The following LINGO2 variants were observed in gnomAD, a reference collection of about 807,000 sequenced individuals.
LINGO2 encodes leucine-rich repeat and immunoglobulin-like domain-containing nogo receptor-interacting protein 2.
Under a neutral mutation model 30.6 loss-of-function variants are expected in LINGO2, and 14 were observed. That is an observed-to-expected ratio of 0.46 (90% confidence interval 0.30 to 0.72). LINGO2 has a LOEUF of 0.72. LINGO2 is among the 30% of genes least tolerant of loss of function. The pLI is 0.07. For synonymous variants in LINGO2, 317 were observed against 288.5 expected, an observed-to-expected ratio of 1.10 and a Z score of -1.00; for missense variants, 729 against 751.7, an observed-to-expected ratio of 0.97 and a Z score of 0.35.
At chr9:28,284,288 G>A (rs1310089797) in intron 4 of LINGO2, among the ~76,000 whole-genome samples, 2 of 152,086 alleles carry the variant, frequency 1.3e-5, no homozygotes, top group Non-Finnish European at 2.9e-5. Context: ...TCCCACTGTA[G>A]TTTTCCCATT....
intron 2 of LINGO2, among the ~76,000 whole-genome samples, chr9:28,419,825 A>C (rs545201403): frequency 6.6e-6 from 1 of 152,152 alleles, no homozygotes; most frequent in Admixed American, 6.5e-5. Context: ...GGTAAATATA[A>C]ATTTATTTTC....
intron 3 of LINGO2, among the ~76,000 whole-genome samples, chr9:28,312,155 C>CTTTTTTTTTTTTTTTTTTTTT: frequency 7.0e-6 from 1 of 143,262 alleles, no homozygotes; most frequent in Non-Finnish European, 1.5e-5. Flanking sequence ...TTTCTTTTTT[C>CTTTTTTTTTTTTTTTTTTTTT]TTTTTTTTGT....
At chr9:28,352,583 A>C (rs1181433911) in intron 3 of LINGO2, among the ~76,000 whole-genome samples, 24 of 139,996 alleles carry the variant, frequency 1.7e-4, no homozygotes, top group African/African-American at 6.3e-4. Flanking sequence ...TGCCCAAGGT[A>C]ATTTACATAT....
the LINGO2 span, among the ~76,000 whole-genome samples, chr9:29,040,731 T>TTTCTAAATAATTCTAACATA: frequency 2.6e-5 from 4 of 152,044 alleles, no homozygotes; most frequent in African/African-American, 9.6e-5. Flanking sequence ...TAGGATGTTA[T>TTTCTAAATAATTCTAACATA]TTCTAAAATT....
At chr9:28,796,532 G>A in the LINGO2 span, among the ~76,000 whole-genome samples, 1 of 151,966 alleles carries the variant, frequency 6.6e-6, no homozygotes, top group African/African-American at 2.4e-5. Flanking sequence ...GCTAAATGGT[G>A]CACTAAATCT....
chr9:27,945,954 A>G (rs1823348827), downstream of LINGO2, among the ~76,000 whole-genome samples: 1 of 152,150 alleles, frequency 6.6e-6, no homozygotes, highest in Non-Finnish European at 1.5e-5. Context: ...AAGCACTGAC[A>G]CAGTCAATAT....
At chr9:27,959,113 A>G (rs1008103121) in intron 5 of LINGO2, among the ~76,000 whole-genome samples, 3 of 152,080 alleles carry the variant, frequency 2.0e-5, no homozygotes, top group Non-Finnish European at 4.4e-5. Flanking sequence ...AATGTCTGAA[A>G]ATCTAGAGGT....
chr9:28,847,682 C>A, the LINGO2 span, among the ~76,000 whole-genome samples: 4 of 142,268 alleles, frequency 2.8e-5, no homozygotes, highest in Admixed American at 2.1e-4. Context: ...AATCTAGCAA[C>A]TGAGCATCTA....
At chr9:29,057,727 G>T in the LINGO2 span, among the ~76,000 whole-genome samples, 1 of 152,090 alleles carries the variant, frequency 6.6e-6, no homozygotes, top group African/African-American at 2.4e-5. Flanking sequence ...CATGCATCGG[G>T]CCAGATACCA....
rs183825868 is a variant in LINGO2, at chr9:28,498,128, C to T, written c.-364-22103G>A. Among the ~76,000 whole-genome samples, 167 of 152,316 alleles carry T rather than the reference C, an allele frequency of 1.1e-3. 2 individuals are homozygous for T. Among genetic ancestry groups the T allele is most frequent in the African/African-American group, 3.9e-3 (162 of 41,578 alleles). On this transcript the variant is annotated intron_variant, in intron 1 of 5. Transcript: ENST00000379992. ...TCAGGGACCCACTTGAGGAGGCAGTCTGACCATTCTCAGATCTCAAACTCC... is the reference window on the plus strand; with the variant it reads ...TCAGGGACCCACTTGAGGAGGCAGTTTGACCATTCTCAGATCTCAAACTCC...
chr9:28,155,140 A>C (rs773216116), intron 4 of LINGO2, among the ~76,000 whole-genome samples: 2 of 152,220 alleles, frequency 1.3e-5, no homozygotes, highest in Non-Finnish European at 2.9e-5. Context: ...GGTGCTTTCC[A>C]CCTTTGGGAA....
the LINGO2 span, among the ~76,000 whole-genome samples, chr9:29,213,598 A>ACACAGGCGCG: frequency 6.6e-6 from 1 of 152,060 alleles, no homozygotes; most frequent in South Asian, 2.1e-4. Context: ...CTGCGCACAC[A>ACACAGGCGCG]CACAGGCGCG....
the LINGO2 span, among the ~76,000 whole-genome samples, chr9:29,166,334 T>C: frequency 6.6e-6 from 1 of 152,100 alleles, no homozygotes; most frequent in African/African-American, 2.4e-5. Context: ...TCCTACACGT[T>C]TTACTTAAGC....
the LINGO2 span, among the ~76,000 whole-genome samples, chr9:29,035,138 A>C: frequency 6.6e-6 from 1 of 152,154 alleles, no homozygotes; most frequent in African/African-American, 2.4e-5. Context: ...AAATATAAAA[A>C]AGTAATAATT....
At chr9:28,124,660 A>T (rs566382606) in intron 4 of LINGO2, among the ~76,000 whole-genome samples, 355 of 152,358 alleles carry the variant, frequency 2.3e-3, no homozygotes, top group Admixed American at 4.2e-3. Flanking sequence ...TGCACTCATC[A>T]GAAATTCCCC....
chr9:28,076,405 T>C (rs1825624546), intron 4 of LINGO2, among the ~76,000 whole-genome samples: 4 of 152,208 alleles, frequency 2.6e-5, no homozygotes, highest in East Asian at 1.9e-4. Context: ...AGTAAACATA[T>C]CTGAAAACAT....
chr9:28,796,841 C>T, the LINGO2 span, among the ~76,000 whole-genome samples: 1 of 151,668 alleles, frequency 6.6e-6, no homozygotes, highest in African/African-American at 2.4e-5. Context: ...GTAATATCCT[C>T]TTCTGCTTGA....
chr9:28,870,069 C>G, the LINGO2 span, among the ~76,000 whole-genome samples: 1 of 151,688 alleles, frequency 6.6e-6, no homozygotes, highest in African/African-American at 2.4e-5. Flanking sequence ...CCCTCCTTCA[C>G]TCTTTGAAGG....
chr9:29,032,457 C>A, the LINGO2 span, among the ~76,000 whole-genome samples: 1 of 152,158 alleles, frequency 6.6e-6, no homozygotes, highest in Non-Finnish European at 1.5e-5. Context: ...AATCAGTGTG[C>A]AGCTCACTAC....
Sources: allele counts gnomAD v4.1 joint callset (sites outside exome capture counted in the v4.1 genomes callset), GRCh38; gene constraint gnomAD v4.1.1; transcripts MANE v1.5; gene names NCBI Gene and HGNC (gene_info 2026-07-23, HGNC 2026-07-21).